The following STOX2 variants were observed in gnomAD, a reference collection of about 807,000 sequenced individuals.
STOX2 encodes storkhead-box protein 2.
A neutral mutation model predicts 60.9 loss-of-function variants in STOX2; 28 were observed. The ratio of observed to expected loss-of-function variants is 0.46; its 90% confidence interval spans 0.34 to 0.63. STOX2 has a LOEUF of 0.63. STOX2 is among the 30% of genes least tolerant of loss of function. STOX2 has a pLI of 0.01. For synonymous variants in STOX2, 472 were observed against 463.9 expected (o/e 1.02, Z -0.22); for missense variants, 1,024 against 1,187.7 (o/e 0.86, Z 2.03).
intron 1 of STOX2, among the ~76,000 whole-genome samples, chr4:183,896,878 C>A (rs1324050415): frequency 6.6e-6 from 1 of 152,180 alleles, no homozygotes; most frequent in Non-Finnish European, 1.5e-5. Context: ...TTTTTGCTGA[C>A]CTTTTTTGAA....
At chr4:183,978,669 A>G (rs954540960) in intron 1 of STOX2, among the ~76,000 whole-genome samples, 1 of 152,252 alleles carries the variant, frequency 6.6e-6, no homozygotes, top group African/African-American at 2.4e-5. Flanking sequence ...GCATGGATAC[A>G]TTTTAACATT....
chr4:183,939,266 G>A (rs562920397), intron 1 of STOX2, among the ~76,000 whole-genome samples: 2 of 152,224 alleles, frequency 1.3e-5, no homozygotes, highest in African/African-American at 2.4e-5. Flanking sequence ...CGTGTTGGAT[G>A]TAGGGGAGAT....
rs138353677 is a variant in STOX2 at position 183,853,684 on chromosome 4, A to T, written c.364+55629A>T. 1.5e-4 allele frequency: 23 copies of T among 152,338 alleles called. No individual in the cohort carries two copies. In the East Asian group the frequency reaches 4.4e-3, roughly 29 times the overall value. The allele number at this position is 152,338 out of a possible 1,614,324, so 9.4% of individuals were successfully genotyped here. A position where few individuals can be genotyped will look rare whatever the true frequency, so the allele number is the denominator to read the frequency against. On this transcript the variant is annotated intron_variant, in intron 1 of 2. Transcript: ENST00000513034. ...AATGTTGACAGCAGTTTCACTTAAC[A>T]TGCGGTAACTCTGGACTAGAACGAC...
At chr4:183,942,736 T>C (rs1375657598) in intron 1 of STOX2, among the ~76,000 whole-genome samples, 1 of 152,146 alleles carries the variant, frequency 6.6e-6, no homozygotes, top group Non-Finnish European at 1.5e-5. Context: ...AAATCTGGTA[T>C]AGGGTCCTAG....
chr4:183,867,038 A>G (rs115258043), intron 1 of STOX2, among the ~76,000 whole-genome samples: 1,609 of 151,790 alleles, frequency 0.011, 34 homozygotes, highest in African/African-American at 0.037. Flanking sequence ...TTTTCCCCCT[A>G]TGAGTGGGCA....
chr4:183,884,973 C>T (rs1250984864), intron 1 of STOX2, among the ~76,000 whole-genome samples: 4 of 152,276 alleles, frequency 2.6e-5, no homozygotes, highest in East Asian at 1.9e-4. Flanking sequence ...GCCTGGGCGT[C>T]GCGTCCCCGT....
intron 1 of STOX2, among the ~76,000 whole-genome samples, chr4:183,879,542 G>GT (rs375196639): frequency 1.3e-3 from 200 of 152,270 alleles, no homozygotes; most frequent in African/African-American, 4.6e-3. Flanking sequence ...TTGTGTAGCC[G>GT]TAAGTTAAGT....
intron 1 of STOX2, among the ~76,000 whole-genome samples, chr4:183,923,009 G>C (rs1742146530): frequency 6.6e-6 from 1 of 152,188 alleles, no homozygotes; most frequent in African/African-American, 2.4e-5. Context: ...CGTGTACCAT[G>C]TTTTGTTTAT....
intron 1 of STOX2, among the ~76,000 whole-genome samples, chr4:183,981,306 G>C (rs1398373068): frequency 6.6e-6 from 1 of 152,100 alleles, no homozygotes; most frequent in Non-Finnish European, 1.5e-5. Context: ...AGAATGCATA[G>C]ACTGTATGAA....
In STOX2 at chr4:183,970,494, C is replaced by T. The variant is rs190386870; in HGVS notation, c.167-30831C>T. 8.5e-5 allele frequency among the ~76,000 whole-genome samples: 13 copies of T among 152,266 alleles called. No homozygotes were observed. In the East Asian group the frequency reaches 2.3e-3, roughly 27 times the overall value. ...GAGAAGGAGCCCCTGGGACCCCATTCGGTGGCCCAGGCCACATCACTGCCC... is the reference window on the plus strand; with the variant it reads ...GAGAAGGAGCCCCTGGGACCCCATTTGGTGGCCCAGGCCACATCACTGCCC... On this transcript the variant is annotated intron_variant, in intron 1 of 3. Coordinates refer to ENST00000308497, the MANE Select transcript of STOX2 (RefSeq NM_020225.3).
intron 1 of STOX2, among the ~76,000 whole-genome samples, chr4:183,980,995 C>T (rs11728594): frequency 0.015 from 2,349 of 152,192 alleles, 22 homozygotes; most frequent in Middle Eastern, 0.031. Context: ...CTCTAGGACT[C>T]AATAGCAGTA....
At chr4:183,819,768 C>T (rs1047158282) in intron 1 of STOX2, among the ~76,000 whole-genome samples, 1 of 152,154 alleles carries the variant, frequency 6.6e-6, no homozygotes, top group East Asian at 1.9e-4. Context: ...TGAACGGCAT[C>T]GCCCCACTAA....
Position 184,011,025 on chromosome 4 carries a change from G to A in STOX2, c.2187G>A (p.Lys729=). Residue 729 remains lysine (K), a synonymous_variant, in exon 3 of 4, where the codon AAG becomes AAA. Coordinates refer to ENST00000308497, the MANE Select transcript of STOX2 (RefSeq NM_020225.3). This position sits in a 1 kb window ranked among gnomAD's most constrained non-coding sequence, Gnocchi z 4.4. The part of the protein sequence containing the change: ...SSLSLLKSHP[K]TPADTLPGRC... ...TGTCCCTCCTCAAATCTCACCCGAA[G>A]ACACCTGCTGACACATTGCCAGGCC... 1 of 1,613,184 alleles carries A rather than the reference G, an allele frequency of 6.2e-7. No homozygotes were observed. Among genetic ancestry groups the A allele is most frequent in the Non-Finnish European group, 8.5e-7 (1 of 1,179,510 alleles).
chr4:183,999,214 A>T (rs1034366430), intron 1 of STOX2, among the ~76,000 whole-genome samples: 3 of 152,096 alleles, frequency 2.0e-5, no homozygotes, highest in African/African-American at 4.8e-5. Flanking sequence ...TCATTCTATC[A>T]TTCTGTCATT....
At chr4:183,953,332 G>A (rs1018603760) in intron 1 of STOX2, among the ~76,000 whole-genome samples, 8 of 152,126 alleles carry the variant, frequency 5.3e-5, no homozygotes, top group South Asian at 2.1e-4. Context: ...GGGTCATGAA[G>A]GCAAGGGTGG....
Position 183,963,006 on chromosome 4 carries a change from A to C in STOX2, c.167-38319A>C, listed in dbSNP as rs867075872. On this transcript the variant is annotated intron_variant, in intron 1 of 3. Transcript: ENST00000308497. ...AAAATCAGGGTCTCTGGAAGGTAGA[A>C]TATCAAGAGTATTAAGGCTTCAAAA... Among the ~76,000 whole-genome samples the C allele has an allele frequency of 1.8e-4, 28 of 152,354 alleles. 1 individual carries two copies. The highest frequency in any genetic ancestry group is 3.4e-3 in the Middle Eastern group (1 of 294).
At chr4:183,907,176 AG>A (rs1741644107) in intron 1 of STOX2, among the ~76,000 whole-genome samples, 1 of 152,104 alleles carries the variant, frequency 6.6e-6, no homozygotes, top group Non-Finnish European at 1.5e-5. Flanking sequence ...AGGTAAAACG[AG>A]GGAGGGGGGA....
rs12508500 is a variant in STOX2, at chr4:183,913,906, G to A, written c.166+6950G>A. On this transcript the variant is annotated intron_variant, in intron 1 of 3. Coordinates refer to ENST00000308497, the MANE Select transcript of STOX2 (RefSeq NM_020225.3). ...TACCACCTAACCTATTTAATACTTC[G>A]CTTTAACTTGATCTACTTTTGTATT... Among the ~76,000 whole-genome samples the A allele has an allele frequency of 4.1e-3, 629 of 152,166 alleles. 10 individuals are homozygous for A. The highest frequency in any genetic ancestry group is 0.036 in the Admixed American group (547 of 15,284).
chr4:183,989,952 A>G (rs1034379535), intron 1 of STOX2, among the ~76,000 whole-genome samples: 2 of 152,170 alleles, frequency 1.3e-5, no homozygotes, highest in Admixed American at 1.3e-4. Flanking sequence ...TTTTTAGAAC[A>G]TGTTTAAAGG....
Sources: gnomAD v4.1 joint callset for allele counts (sites outside exome capture counted in the v4.1 genomes callset) on GRCh38, gnomAD v4.1.1 for gene constraint, Gnocchi (gnomAD v3.1) non-coding constraint, MANE v1.5 for transcripts, NCBI Gene and HGNC (gene_info 2026-07-23, HGNC 2026-07-21) for gene names.